Variants in SHANK1 observed in about 807,000 individuals in gnomAD.
SHANK1 encodes the protein SH3 and multiple ankyrin repeat domains protein 1.
A neutral mutation model predicts 165.6 loss-of-function variants in SHANK1; 35 were observed. That is an observed-to-expected ratio of 0.21 (90% CI 0.16 to 0.28). SHANK1 has a LOEUF of 0.28. Among genes scored for constraint, SHANK1 ranks in the 10% least tolerant of loss-of-function variants. The pLI is 1.00. For missense variants in SHANK1, 2,681 were observed against 3,036.4 expected (o/e 0.88, Z 2.75); for synonymous variants, 1,428 against 1,384.8 (o/e 1.03, Z -0.69).
intron 21 of SHANK1, among the ~76,000 whole-genome samples, chr19:50,672,441 G>A (rs919868675): frequency 6.6e-6 from 1 of 151,510 alleles, no homozygotes; most frequent in Non-Finnish European, 1.5e-5. Context: ...CCAGCTACTC[G>A]GGAGGCTGAG....
rs753079097 is a variant in SHANK1 at position 50,703,549 on chromosome 19, G to A, written c.1504C>T (p.Arg502Ter). ...TTGGCGTCCTCAGGGTGCCTCCCTC[G>A]GGATGGAGAGCGGGCCCTGGCACCC... Reference protein sequence around the residue: ...PRGARARSPSRGRHPEDAKRQ... With the variant: ...PRGARARSPS The change falls in exon 11 of 24, where the codon CGA becomes TGA. Residue 502 changes from arginine to a stop codon, truncating the protein, a stop_gained. Transcript: ENST00000293441. LOFTEE classifies it high-confidence loss of function. The A allele has an allele frequency of 1.9e-6, 3 of 1,552,584 alleles. No homozygotes were observed. The highest frequency in any genetic ancestry group is 1.2e-5 in the South Asian group (1 of 84,928).
chr19:50,668,913 T>C lies in SHANK1; in HGVS notation c.3047A>G (p.His1016Arg). The C allele has an allele frequency of 1.7e-6, 1 of 572,164 alleles. No homozygotes were observed. Among genetic ancestry groups the C allele is most frequent in the East Asian group, 1.2e-4 (1 of 8,362 alleles). 35.4% of individuals were successfully genotyped at this position (572,164 alleles called of 1,614,324 possible). Residue 1016 changes from histidine (H) to arginine (R), a missense_variant, in exon 23 of 24, where the codon CAC becomes CGC. This residue lies in a region of SHANK1 where 1,713 missense variants were observed against 1,630.2 expected (regional missense o/e 1.05). Transcript: ENST00000293441. Reference protein sequence around the residue: ...HHAPPPQPHHHHAHPPHPPEM... With the variant: ...HHAPPPQPHHRHAHPPHPPEM... ...GGGAGGATGAGGGGGGTGGGCGTGG[T>C]GGTGGTGGGGCTGAGGGGGCGGGGC...
chr19:50,694,582 T>G (rs1986663420), intron 15 of SHANK1, among the ~76,000 whole-genome samples: 1 of 73,822 alleles, frequency 1.4e-5, no homozygotes, highest in African/African-American at 5.6e-5. Context: ...GAGGAAGGTC[T>G]TGGGGGAAGA....
chr19:50,669,275 T>G lies in SHANK1; in HGVS notation c.2685A>C (p.Glu895Asp), dbSNP rs754344810. Reference protein sequence around the residue: ...MLRQKSIGAAEDDRPYLAPPA... With the variant: ...MLRQKSIGAADDDRPYLAPPA... ...GGGGTGCTAGGTAAGGTCTGTCATC[T>G]TCTGCCGCACCTGGGGAGATACAGA... Residue 895 changes from glutamate (E) to aspartate (D), a missense_variant, in exon 23 of 24, where the codon GAA (glutamate) becomes GAC (aspartate). Coordinates refer to ENST00000293441, the MANE Select transcript of SHANK1 (RefSeq NM_016148.5). The G allele has an allele frequency of 1.9e-6, 3 of 1,609,266 alleles. No individual in the cohort carries two copies. Among genetic ancestry groups the G allele is most frequent in the Non-Finnish European group, 2.5e-6 (3 of 1,177,922 alleles).
intron 21 of SHANK1, among the ~76,000 whole-genome samples, chr19:50,681,140 C>T (rs978417776): frequency 3.3e-5 from 5 of 151,694 alleles, no homozygotes; most frequent in African/African-American, 1.2e-4. Context: ...GACCAGACGT[C>T]GAGAGAGGCC....
chr19:50,692,058 T>C (rs889338791), intron 15 of SHANK1, among the ~76,000 whole-genome samples: 1 of 151,658 alleles, frequency 6.6e-6, no homozygotes, highest in African/African-American at 2.4e-5. Flanking sequence ...ACACAGTGAG[T>C]ATCATTCTTC....
At position 50,666,221 on chromosome 19, in the gene SHANK1, G is replaced by C; in HGVS notation, c.5739C>G (p.Pro1913=). ...DSHHGGASYV[P]ERTSSLQRQR... ...GCCGCTGCAGGGAGGAGGTCCTCTC[G>C]GGGACATAGCTGGCTCCCCCGTGGT... The change falls in exon 23 of 24, where the codon CCC becomes CCG. Residue 1913 remains proline, a synonymous_variant. Transcript: ENST00000293441. The C allele has an allele frequency of 3.1e-6, 5 of 1,606,030 alleles. No individual in the cohort carries two copies. Among genetic ancestry groups the C allele is most frequent in the Non-Finnish European group, 4.2e-6 (5 of 1,176,974 alleles).
chr19:50,692,477 A>C (rs986598154), intron 15 of SHANK1, among the ~76,000 whole-genome samples: 88 of 150,192 alleles, frequency 5.9e-4, no homozygotes, highest in African/African-American at 2.0e-3. Context: ...ATATATACAC[A>C]CACACACCAG....
At chr19:50,696,911 C>G (rs953334189) in intron 15 of SHANK1, among the ~76,000 whole-genome samples, 185 bp downstream of exon 15, 4 of 152,122 alleles carry the variant, frequency 2.6e-5, no homozygotes, top group Admixed American at 2.6e-4. Flanking sequence ...CCTCCAGCCC[C>G]GGGCATAGGT....
At chr19:50,704,638 TGAG>T in intron 8 of SHANK1, 124 bp from the exon 9 acceptor site, 1 of 860,774 alleles carries the variant, frequency 1.2e-6, no homozygotes, top group Non-Finnish European at 1.9e-6. Context: ...CCCGCACCAC[TGAG>T]GACAGCAGCC....
At chr19:50,665,338 A>C (rs1985436235) in intron 23 of SHANK1, among the ~76,000 whole-genome samples, 1 of 151,788 alleles carries the variant, frequency 6.6e-6, no homozygotes, top group South Asian at 2.1e-4. Context: ...CCGAGGTGGG[A>C]TGAATCACCT....
intron 21 of SHANK1, among the ~76,000 whole-genome samples, chr19:50,677,946 G>A (rs990635959): frequency 5.3e-5 from 8 of 152,074 alleles, no homozygotes; most frequent in Admixed American, 1.3e-4. Flanking sequence ...TTGGCTTTCT[G>A]TCCCGTCCTG....
At chr19:50,709,421 G>T (rs1333419516) in intron 8 of SHANK1, among the ~76,000 whole-genome samples, 2 of 152,096 alleles carry the variant, frequency 1.3e-5, no homozygotes, top group South Asian at 4.1e-4. Context: ...AATTACAGGC[G>T]TGAGCCACTG....
intron 19 of SHANK1, 29 bp downstream of exon 19, chr19:50,687,553 C>T: frequency 6.5e-7 from 1 of 1,535,426 alleles, no homozygotes; most frequent in Non-Finnish European, 8.8e-7. Flanking sequence ...CCCCCCGGCC[C>T]CCTGGCCTCA....
At position 50,716,217 on chromosome 19, in the gene SHANK1, G is replaced by T; in HGVS notation, c.459+58C>A. 1.3e-6 allele frequency: 2 copies of T among 1,511,716 alleles called. No individual in the cohort carries two copies. The highest frequency in any genetic ancestry group is 1.8e-6 in the Non-Finnish European group (2 of 1,090,196). 93.6% of individuals were successfully genotyped at this position (1,511,716 alleles called of 1,614,324 possible). Reference sequence around the variant, plus strand: ...GAGTGTGTTAAAAAGTGGGTGGGGGGCAGATGTGTTTTAGGGCATGCCTTC... The same window carrying T: ...GAGTGTGTTAAAAAGTGGGTGGGGGTCAGATGTGTTTTAGGGCATGCCTTC... On this transcript the variant is annotated intron_variant, in intron 3 of 23. Transcript: ENST00000293441. The surrounding 1 kb of genome is among the most constrained non-coding windows in gnomAD (Gnocchi z 8.4).
chr19:50,703,244 C>T (rs977682933), intron 11 of SHANK1, among the ~76,000 whole-genome samples: 1 of 152,012 alleles, frequency 6.6e-6, no homozygotes, highest in Non-Finnish European at 1.5e-5. Flanking sequence ...TCCCCAGGGG[C>T]TGGGGCCCAT....
chr19:50,686,797 G>C lies in SHANK1; in HGVS notation c.2405C>G (p.Pro802Arg), dbSNP rs1050853474. 85 of 1,613,694 alleles carry C rather than the reference G, an allele frequency of 5.3e-5. No homozygotes were observed. The highest frequency in any genetic ancestry group is 7.0e-5 in the Non-Finnish European group (83 of 1,179,806). The change falls in exon 20 of 24, where the codon CCG becomes CGG. Residue 802 changes from proline (P) to arginine (R), a missense_variant. By Grantham distance (103) the Pro-to-Arg change is moderately radical (BLOSUM62 -2). Around this residue, in one of 10 missense-constraint regions of SHANK1, gnomAD observed 206 missense variants for 216.0 expected, o/e 0.95. Coordinates refer to ENST00000293441, the MANE Select transcript of SHANK1 (RefSeq NM_016148.5). The surrounding 1 kb of genome is among the most constrained non-coding windows in gnomAD (Gnocchi z 5.7). ...TTTCTCCATGCTGGGCACCGGCGCC[G>C]GCTGCTGCTCGTACTCTGTGGGCAA... The part of the protein sequence containing the change: ...ELEEMEYEQQ[P>R]APVPSMEKKR...
intron 21 of SHANK1, among the ~76,000 whole-genome samples, chr19:50,680,531 T>C (rs1317969538): frequency 6.6e-6 from 1 of 152,148 alleles, no homozygotes; most frequent in Non-Finnish European, 1.5e-5. Context: ...AGAGGTGCCC[T>C]GACCTAGGGT....
Position 50,668,501 on chromosome 19 carries a change from G to A in SHANK1, c.3459C>T (p.Ile1153=), listed in dbSNP as rs752224428. Residue 1153 remains isoleucine (I), a synonymous_variant, in exon 23 of 24, where the codon ATC becomes ATT. Coordinates refer to ENST00000293441, the MANE Select transcript of SHANK1 (RefSeq NM_016148.5). ...CCTTGATGATGATGGTGGGGATGGG[G>A]ATGGAGTTCTTCTCCGAGGGCGCGG... is the stretch of plus-strand genomic sequence containing the variant. ...AVAAPSEKNS[I]PIPTIIIKAP... 2.2e-6 allele frequency: 3 copies of A among 1,349,996 alleles called. No individual in the cohort carries two copies. The South Asian group carries it at 7.3e-5, about 33-fold the overall frequency. 83.6% of individuals were successfully genotyped at this position (1,349,996 alleles called of 1,614,324 possible). A position where few individuals can be genotyped will look rare whatever the true frequency, so the allele number is the denominator to read the frequency against.
Sources: allele counts gnomAD v4.1 joint callset (sites outside exome capture counted in the v4.1 genomes callset), GRCh38; gene constraint gnomAD v4.1.1; regional missense constraint gnomAD v4.1.1; non-coding constraint Gnocchi (gnomAD v3.1); transcripts MANE v1.5; gene names NCBI Gene and HGNC (gene_info 2026-07-23, HGNC 2026-07-21).